Variants in PLPP3 observed in about 807,000 individuals in gnomAD.
PLPP3 encodes phospholipid phosphatase 3, also known as PAP2 beta.
A neutral mutation model predicts 29.6 loss-of-function variants in PLPP3; 6 were observed. The ratio of observed to expected loss-of-function variants is 0.20; its 90% confidence interval spans 0.11 to 0.40. The LOEUF is 0.40. PLPP3 is among the 10% of genes least tolerant of loss of function. The probability of loss-of-function intolerance (pLI) is 1.00; values close to 1 mark genes in which losing one functional copy is unlikely to be tolerated. For synonymous variants in PLPP3, 152 were observed against 159.7 expected, an observed-to-expected ratio of 0.95 and a Z score of 0.36; for missense variants, 308 against 407.7, an observed-to-expected ratio of 0.76 and a Z score of 2.11.
chr1:56,578,835 G>T, intron 1 of PLPP3, 43 bp downstream of exon 1: 1 of 1,495,378 alleles, frequency 6.7e-7, no homozygotes. Context: ...CGCGCCGAGG[G>T]ACGAGGGGCC....
At chr1:56,578,843 G>T in intron 1 of PLPP3, 35 bp downstream of exon 1, 1 of 1,505,744 alleles carries the variant, frequency 6.6e-7, no homozygotes, top group Non-Finnish European at 8.8e-7. Context: ...GGGACGAGGG[G>T]CCGAGGGGCC....
At chr1:56,515,540 C>T (rs969477454) in intron 4 of PLPP3, among the ~76,000 whole-genome samples, 16 of 152,024 alleles carry the variant, frequency 1.1e-4, no homozygotes, top group African/African-American at 3.9e-4. Flanking sequence ...GAGGAAGAGA[C>T]CAGTCATCAG....
At chr1:56,499,963 C>G (rs1347662625) in intron 5 of PLPP3, among the ~76,000 whole-genome samples, 2 of 152,160 alleles carry the variant, frequency 1.3e-5, no homozygotes, top group Admixed American at 1.3e-4. Flanking sequence ...AATCCTACTC[C>G]ACAGATCTCT....
rs116280963 is a variant in PLPP3 at position 56,500,690 on chromosome 1, T to C, written c.811-4014A>G. 6.3e-3 allele frequency among the ~76,000 whole-genome samples: 961 copies of C among 152,222 alleles called. 9 individuals are homozygous for C. The highest frequency in any genetic ancestry group is 0.022 in the African/African-American group (921 of 41,542). On this transcript the variant is annotated intron_variant, in intron 5 of 5. Coordinates refer to ENST00000371250, the MANE Select transcript of PLPP3 (RefSeq NM_003713.5). ...TCAAGGTGAAAGCAGGGAAGCAACA[T>C]GTTGGAAAGACCTGCATTAAGATCA...
In PLPP3 at chr1:56,495,654, T is replaced by G. The variant is rs1266000548; in HGVS notation, c.*897A>C. 1 of 152,692 alleles carries G rather than the reference T, an allele frequency of 6.5e-6. No homozygotes were observed. Among genetic ancestry groups the G allele is most frequent in the African/African-American group, 2.4e-5 (1 of 41,458 alleles). 9.5% of individuals were successfully genotyped at this position (152,692 alleles called of 1,614,324 possible). ...GTACAGAAGGCTGCTTTCCGTCAGC[T>G]GGTGGCAGACCATGCCTTGCTCATT... On this transcript the variant is annotated 3_prime_UTR_variant, in exon 6 of 6. Coordinates refer to ENST00000371250, the MANE Select transcript of PLPP3 (RefSeq NM_003713.5).
intron 4 of PLPP3, among the ~76,000 whole-genome samples, chr1:56,515,197 T>C (rs1379773540): frequency 2.6e-5 from 4 of 152,214 alleles, no homozygotes; most frequent in African/African-American, 7.2e-5. Context: ...TGGTTGATAA[T>C]GTAGATCAAG....
rs1645838313 is a variant in PLPP3, at chr1:56,524,274, C to T, written c.575+3G>A. On this transcript the variant is annotated splice_donor_region_variant and intron_variant, in intron 3 of 5. Coordinates refer to ENST00000371250, the MANE Select transcript of PLPP3 (RefSeq NM_003713.5). The surrounding 1 kb of genome is among the most constrained non-coding windows in gnomAD (Gnocchi z 4.3). ...CTCTGGCCATGCGGAGGTGGTGTCT[C>T]ACCTGGCTTCCTGGACTTTGCTGTC... 1 of 1,612,932 alleles carries T rather than the reference C, an allele frequency of 6.2e-7. No individual in the cohort carries two copies. Among genetic ancestry groups the T allele is most frequent in the Middle Eastern group, 1.9e-4 (1 of 5,334 alleles).
intron 1 of PLPP3, among the ~76,000 whole-genome samples, chr1:56,543,275 C>T (rs747068218): frequency 2.0e-5 from 3 of 152,134 alleles, no homozygotes; most frequent in South Asian, 2.1e-4. Context: ...AGCTATGAAA[C>T]GTTGTGGGTT....
At chr1:56,558,395 A>C (rs1259578988) in intron 1 of PLPP3, among the ~76,000 whole-genome samples, 1 of 152,242 alleles carries the variant, frequency 6.6e-6, no homozygotes, top group East Asian at 1.9e-4. Flanking sequence ...CCATCTGTGC[A>C]GCTGCCATAT....
At chr1:56,547,478 A>G (rs948968783) in intron 1 of PLPP3, among the ~76,000 whole-genome samples, 18 of 152,214 alleles carry the variant, frequency 1.2e-4, no homozygotes, top group African/African-American at 4.1e-4. Flanking sequence ...CCCATACCCT[A>G]ATAAAGAGTA....
intron 4 of PLPP3, chr1:56,513,563 T>A (rs1354021000): frequency 6.6e-6 from 1 of 152,036 alleles, no homozygotes; most frequent in Non-Finnish European, 1.5e-5. Flanking sequence ...GACAGAAGAG[T>A]GGAAGATCCC....
At chr1:56,541,408 A>T (rs1032765153) in intron 1 of PLPP3, among the ~76,000 whole-genome samples, 9 of 152,346 alleles carry the variant, frequency 5.9e-5, no homozygotes, top group African/African-American at 1.9e-4. Flanking sequence ...CTAAACAGTT[A>T]GTAAGTTAGT....
rs566640495 is a variant in PLPP3, at chr1:56,568,975, G to C, written c.139+9903C>G. On this transcript the variant is annotated intron_variant, in intron 1 of 5. Transcript: ENST00000371250. ...TCTCTGCTCCCACCACAGTACCCTC[G>C]GTTCAGCTTGCACTTGCCACCCCAC... Among the ~76,000 whole-genome samples, 34 of 151,616 alleles carry C rather than the reference G, an allele frequency of 2.2e-4. No homozygotes were observed. In the South Asian group the frequency reaches 7.1e-3, roughly 32 times the overall value.
chr1:56,518,569 C>T (rs931906840), intron 4 of PLPP3, among the ~76,000 whole-genome samples: 2 of 152,030 alleles, frequency 1.3e-5, no homozygotes, highest in African/African-American at 4.8e-5. Context: ...TGTCAGAAGA[C>T]CTGAAATTCA....
At chr1:56,556,997 A>AAG in intron 1 of PLPP3, among the ~76,000 whole-genome samples, 161 of 8,250 alleles carry the variant, frequency 0.02, 25 homozygotes, top group Admixed American at 0.043. Flanking sequence ...AAAGAAAGAA[A>AAG]GAAAGAAAGA....
chr1:56,567,602 T>C (rs1276083100), intron 1 of PLPP3, among the ~76,000 whole-genome samples: 1 of 152,082 alleles, frequency 6.6e-6, no homozygotes, highest in Non-Finnish European at 1.5e-5. Context: ...TTTCACTGTG[T>C]TAGCCAGGAT....
Position 56,511,920 on chromosome 1 carries a change from T to G in PLPP3, c.810+56A>C, listed in dbSNP as rs924168066. 8.1e-6 allele frequency: 13 copies of G among 1,597,476 alleles called. No individual in the cohort carries two copies. The Admixed American group carries it at 2.0e-4, about 25-fold the overall frequency. On this transcript the variant is annotated intron_variant, in intron 5 of 5. Coordinates refer to ENST00000371250, the MANE Select transcript of PLPP3 (RefSeq NM_003713.5). Reference sequence around the variant, plus strand: ...GCTTTAGTCACTGAGCTGGAAACATTTAACAAGCAACAGTCCAGGGCTCCA... The same window carrying G: ...GCTTTAGTCACTGAGCTGGAAACATGTAACAAGCAACAGTCCAGGGCTCCA...
chr1:56,517,370 C>T (rs564878818), intron 4 of PLPP3, among the ~76,000 whole-genome samples: 240 of 152,312 alleles, frequency 1.6e-3, no homozygotes, highest in African/African-American at 5.6e-3. Context: ...AAAGAATTTT[C>T]GATTGACTTT....
chr1:56,523,062 G>T (rs1645830011), intron 4 of PLPP3, among the ~76,000 whole-genome samples: 1 of 152,172 alleles, frequency 6.6e-6, no homozygotes, highest in Non-Finnish European at 1.5e-5. Context: ...TTCTACTACT[G>T]GTTGAAGGAA....
Sources: gnomAD v4.1 joint callset for allele counts (sites outside exome capture counted in the v4.1 genomes callset) on GRCh38, gnomAD v4.1.1 for gene constraint, Gnocchi (gnomAD v3.1) non-coding constraint, MANE v1.5 for transcripts, NCBI Gene and HGNC (gene_info 2026-07-23, HGNC 2026-07-21) for gene names.